Variants in RAB3C observed in about 807,000 individuals in gnomAD.
RAB3C encodes ras-related protein Rab-3C.
A neutral mutation model predicts 26.4 loss-of-function variants in RAB3C; 17 were observed. The ratio of observed to expected loss-of-function variants is 0.64; its 90% CI spans 0.44 to 0.97. The LOEUF (loss-of-function observed/expected upper bound fraction) is 0.97, where lower values mean the gene tolerates loss of function less well. Among genes scored for constraint, RAB3C ranks in the 50% least tolerant of loss-of-function variants. The pLI is 0.00. For missense variants in RAB3C, 242 were observed against 281.9 expected, an observed-to-expected ratio of 0.86 and a Z score of 1.01; for synonymous variants, 91 against 95.9, an observed-to-expected ratio of 0.95 and a Z score of 0.30.
chr5:58,583,037 G>A, upstream of RAB3C: 1 of 1,446,432 alleles, frequency 6.9e-7, no homozygotes, highest in South Asian at 1.5e-5. Context: ...GGGGCTCCTC[G>A]GCAGTACGCG....
chr5:58,732,077 T>C (rs1449512861), intron 3 of RAB3C, among the ~76,000 whole-genome samples: 1 of 146,814 alleles, frequency 6.8e-6, no homozygotes, highest in Non-Finnish European at 1.5e-5. Flanking sequence ...TATTTATTTA[T>C]TTATTTATTT....
At chr5:58,797,394 TATAC>T (rs1561133613) in intron 3 of RAB3C, among the ~76,000 whole-genome samples, 6 of 102,892 alleles carry the variant, frequency 5.8e-5, no homozygotes, top group African/African-American at 2.0e-4. Flanking sequence ...TATATATATA[TATAC>T]ACAGAGAGAG....
intron 3 of RAB3C, among the ~76,000 whole-genome samples, chr5:58,734,081 T>G (rs1384538927): frequency 6.6e-6 from 1 of 152,202 alleles, no homozygotes; most frequent in Non-Finnish European, 1.5e-5. Flanking sequence ...AATCAGAGGC[T>G]GAGGATAAAA....
In RAB3C at chr5:58,765,135, T is replaced by A. The variant is rs142816053; in HGVS notation, c.371+39015T>A. Among the ~76,000 whole-genome samples, 511 of 152,266 alleles carry A rather than the reference T, an allele frequency of 3.4e-3. 5 individuals are homozygous for A. The highest frequency in any genetic ancestry group is 0.01 in the Middle Eastern group (3 of 294). On this transcript the variant is annotated intron_variant, in intron 3 of 4. Transcript: ENST00000282878. ...CAGAATCAGATCGAACAACTGAGGA[T>A]CATGCATTGCTTGGGAAAAGTAAGG...
intron 2 of RAB3C, among the ~76,000 whole-genome samples, chr5:58,657,198 C>CATA (rs1747795609): frequency 1.3e-5 from 2 of 151,628 alleles, no homozygotes; most frequent in African/African-American, 4.8e-5. Context: ...GACACAAAGG[C>CATA]ATAAGACTGA....
chr5:58,716,371 A>T (rs1433783180), intron 2 of RAB3C, among the ~76,000 whole-genome samples: 1 of 152,140 alleles, frequency 6.6e-6, no homozygotes, highest in Non-Finnish European at 1.5e-5. Flanking sequence ...CCAAAGTAAA[A>T]AAAACTATAA....
intron 3 of RAB3C, among the ~76,000 whole-genome samples, chr5:58,781,538 T>C (rs1470991786): frequency 6.6e-6 from 1 of 152,084 alleles, no homozygotes; most frequent in Non-Finnish European, 1.5e-5. Context: ...ATATATACTT[T>C]GAAAGCATTA....
chr5:58,686,432 A>G (rs1748445836), intron 2 of RAB3C, among the ~76,000 whole-genome samples: 1 of 152,150 alleles, frequency 6.6e-6, no homozygotes, highest in Non-Finnish European at 1.5e-5. Flanking sequence ...TAGACTTGCT[A>G]AAGTTTTATT....
intron 2 of RAB3C, among the ~76,000 whole-genome samples, chr5:58,670,162 T>C (rs562019493): frequency 7.2e-5 from 11 of 152,284 alleles, no homozygotes; most frequent in African/African-American, 2.2e-4. Context: ...CCAACACTAC[T>C]ACCACATACA....
At chr5:58,694,069 C>T (rs963941239) in intron 2 of RAB3C, among the ~76,000 whole-genome samples, 3 of 152,152 alleles carry the variant, frequency 2.0e-5, no homozygotes, top group Admixed American at 6.6e-5. Context: ...TCTCCTAATG[C>T]TATCGCTCCC....
intron 3 of RAB3C, chr5:58,814,802 A>C (rs1743181692): frequency 6.6e-6 from 1 of 152,214 alleles, no homozygotes; most frequent in African/African-American, 2.4e-5. Context: ...GGTTTAAAAA[A>C]TAGAATTTGA....
At chr5:58,795,645 G>A (rs560902425) in intron 3 of RAB3C, among the ~76,000 whole-genome samples, 4 of 152,220 alleles carry the variant, frequency 2.6e-5, no homozygotes, top group African/African-American at 7.2e-5. Flanking sequence ...CAGGAGAAAA[G>A]AAGACAGGTA....
intron 2 of RAB3C, among the ~76,000 whole-genome samples, chr5:58,660,062 C>A (rs1399795695): frequency 0.02 from 2,946 of 147,916 alleles, 219 homozygotes; most frequent in African/African-American, 0.074. Flanking sequence ...GCCTCGGCCT[C>A]CCAAAGTGCT....
chr5:58,813,592 TTA>T (rs869039335), intron 3 of RAB3C, among the ~76,000 whole-genome samples: 655 of 47,624 alleles, frequency 0.014, 4 homozygotes, highest in Admixed American at 0.05. Context: ...ATATTTATAT[TTA>T]TATATATATA....
chr5:58,633,919 T>A (rs1304076189), intron 2 of RAB3C, among the ~76,000 whole-genome samples: 1 of 151,478 alleles, frequency 6.6e-6, no homozygotes, highest in Non-Finnish European at 1.5e-5. Flanking sequence ...GATCATGAGG[T>A]CCAGAGATTG....
At chr5:58,634,070 G>C (rs962811600) in intron 2 of RAB3C, among the ~76,000 whole-genome samples, 6 of 151,626 alleles carry the variant, frequency 4.0e-5, no homozygotes, top group Non-Finnish European at 7.4e-5. Flanking sequence ...CAACCCAGGA[G>C]GCAGAGCTTG....
chr5:58,609,347 G>T (rs1746644347), intron 1 of RAB3C, among the ~76,000 whole-genome samples: 1 of 152,078 alleles, frequency 6.6e-6, no homozygotes, highest in African/African-American at 2.4e-5. Flanking sequence ...GAAGATCAGA[G>T]AAAAATGTCT....
chr5:58,745,100 T>A (rs1741367843), intron 3 of RAB3C, among the ~76,000 whole-genome samples: 1 of 151,812 alleles, frequency 6.6e-6, no homozygotes, highest in Non-Finnish European at 1.5e-5. Flanking sequence ...GACCAACTGT[T>A]CAGAAAGTAG....
intron 3 of RAB3C, among the ~76,000 whole-genome samples, chr5:58,783,532 G>A (rs1223307661): frequency 6.6e-6 from 1 of 152,112 alleles, no homozygotes; most frequent in Non-Finnish European, 1.5e-5. Flanking sequence ...TGCTGAAGGG[G>A]ACATGACACA....
Sources: allele counts gnomAD v4.1 joint callset (sites outside exome capture counted in the v4.1 genomes callset), GRCh38; gene constraint gnomAD v4.1.1; transcripts MANE v1.5; gene names NCBI Gene and HGNC (gene_info 2026-07-23, HGNC 2026-07-21).